The following CALN1 variants were observed in gnomAD, a reference collection of about 807,000 sequenced individuals.
CALN1 encodes the protein calcium-binding protein 8.
CALN1 carries 17 observed loss-of-function variants against 30.6 expected under a neutral mutation model. The observed-to-expected ratio is 0.56, with a 90% confidence interval of 0.38 to 0.83. The LOEUF is 0.83. Ranked by LOEUF, CALN1 falls within the 40% of genes least tolerant of loss-of-function variation. CALN1 has a pLI of 0.00. For missense variants in CALN1, 291 were observed against 354.9 expected (o/e 0.82, Z 1.45); for synonymous variants, 156 against 131.4 (o/e 1.19, Z -1.28).
chr7:72,089,268 A>C (rs1805691450), intron 4 of CALN1, among the ~76,000 whole-genome samples: 1 of 152,160 alleles, frequency 6.6e-6, no homozygotes, highest in African/African-American at 2.4e-5. Context: ...TAATCTCACA[A>C]AAAATTTTAC....
intron 2 of CALN1, among the ~76,000 whole-genome samples, chr7:72,333,204 A>G (rs918620875): frequency 6.6e-6 from 1 of 152,074 alleles, no homozygotes; most frequent in East Asian, 1.9e-4. Flanking sequence ...CATCACCTCC[A>G]CCCTTGCCTA....
intron 3 of CALN1, among the ~76,000 whole-genome samples, chr7:72,270,123 G>A (rs980006373): frequency 6.6e-6 from 1 of 151,970 alleles, no homozygotes; most frequent in African/African-American, 2.4e-5. Context: ...ATGTGTGTGT[G>A]TGTGTTGAGA....
chr7:72,430,016 T>C (rs890412879), intron 1 of CALN1, among the ~76,000 whole-genome samples: 14 of 151,038 alleles, frequency 9.3e-5, no homozygotes, highest in African/African-American at 3.1e-4. Flanking sequence ...AGACAGGGTT[T>C]CACCTTGTTG....
chr7:72,117,439 C>T (rs1213416551), intron 3 of CALN1, among the ~76,000 whole-genome samples: 1 of 152,170 alleles, frequency 6.6e-6, no homozygotes, highest in East Asian at 1.9e-4. Flanking sequence ...CCTTAAGACA[C>T]TGTTTGGTCA....
In CALN1 at chr7:72,362,647, C is replaced by T. The variant is rs143477421; in HGVS notation, c.119+40604G>A. Among the ~76,000 whole-genome samples the T allele has an allele frequency of 6.9e-3, 1,051 of 152,314 alleles. 14 individuals are homozygous for T. The highest frequency in any genetic ancestry group is 0.024 in the African/African-American group (1,008 of 41,580). On this transcript the variant is annotated intron_variant, in intron 2 of 6. Coordinates refer to ENST00000395275, the MANE Select transcript of CALN1 (RefSeq NM_031468.4). ...ACCGCAAGTTCTCTCTACCCCTCCACACAGCTGGCTGTCATTCTGTCCTGC... is the reference window on the plus strand; with the variant it reads ...ACCGCAAGTTCTCTCTACCCCTCCATACAGCTGGCTGTCATTCTGTCCTGC...
chr7:72,454,600 A>G, the CALN1 span, among the ~76,000 whole-genome samples: 2 of 152,234 alleles, frequency 1.3e-5, no homozygotes, highest in Admixed American at 1.3e-4. Flanking sequence ...AAAAGCCCAG[A>G]GAACAAAACA....
intron 2 of CALN1, among the ~76,000 whole-genome samples, chr7:72,342,805 G>C (rs1489313487): frequency 6.6e-6 from 1 of 152,064 alleles, no homozygotes; most frequent in Non-Finnish European, 1.5e-5. Context: ...CCCAAGGGTA[G>C]AGGGTGATGA....
intron 4 of CALN1, among the ~76,000 whole-genome samples, chr7:72,084,036 C>T (rs1805326040): frequency 6.6e-6 from 1 of 151,824 alleles, no homozygotes; most frequent in Admixed American, 6.6e-5. Context: ...TAGTGAAACC[C>T]TGTCTCTACT....
chr7:72,048,766 C>T (rs1802648359), intron 4 of CALN1, among the ~76,000 whole-genome samples: 1 of 150,434 alleles, frequency 6.6e-6, no homozygotes. Context: ...CCTTTCCTCC[C>T]TGCCTTTTTC....
chr7:72,087,658 C>G (rs1805568168), intron 4 of CALN1, among the ~76,000 whole-genome samples: 1 of 151,930 alleles, frequency 6.6e-6, no homozygotes, highest in South Asian at 2.1e-4. Flanking sequence ...TGGAAAACCT[C>G]CAAGTAGTGA....
At chr7:72,288,837 T>C (rs550636259) in intron 2 of CALN1, among the ~76,000 whole-genome samples, 2 of 152,350 alleles carry the variant, frequency 1.3e-5, no homozygotes, top group African/African-American at 2.4e-5. Flanking sequence ...TTAACCCCTT[T>C]TCCCCAAAAA....
chr7:72,109,690 A>G (rs1807423319), intron 3 of CALN1, among the ~76,000 whole-genome samples: 1 of 152,208 alleles, frequency 6.6e-6, no homozygotes, highest in African/African-American at 2.4e-5. Context: ...ACTGTGCTCA[A>G]GGACACTGTG....
chr7:72,047,506 T>C (rs536938121), intron 4 of CALN1, among the ~76,000 whole-genome samples: 1 of 152,236 alleles, frequency 6.6e-6, no homozygotes, highest in South Asian at 2.1e-4. Flanking sequence ...AGAGGATTGC[T>C]TGAGCCCAGG....
chr7:72,364,023 C>T (rs188477577), intron 2 of CALN1, among the ~76,000 whole-genome samples: 4 of 151,068 alleles, frequency 2.6e-5, no homozygotes, highest in Admixed American at 6.6e-5. Flanking sequence ...GCGTGAGCCA[C>T]GGTGCCCGGC....
At chr7:72,302,260 A>G (rs754435632) in intron 2 of CALN1, among the ~76,000 whole-genome samples, 12 of 152,304 alleles carry the variant, frequency 7.9e-5, no homozygotes, top group Non-Finnish European at 1.2e-4. Context: ...GGATAAATGA[A>G]AAGACCCACA....
At chr7:72,370,070 T>C (rs554703299) in intron 2 of CALN1, among the ~76,000 whole-genome samples, 2 of 152,326 alleles carry the variant, frequency 1.3e-5, no homozygotes, top group East Asian at 3.9e-4. Flanking sequence ...AGTTGTACCA[T>C]TTTACATTCC....
intron 4 of CALN1, among the ~76,000 whole-genome samples, chr7:72,093,372 G>C (rs777962710): frequency 1.3e-4 from 20 of 152,118 alleles, no homozygotes; most frequent in Non-Finnish European, 2.6e-4. Flanking sequence ...CTGCATTGAA[G>C]ATGGCACCGT....
intron 2 of CALN1, among the ~76,000 whole-genome samples, chr7:72,351,854 G>C (rs1802939341): frequency 6.6e-6 from 1 of 152,180 alleles, no homozygotes; most frequent in South Asian, 2.1e-4. Flanking sequence ...AATTTAAAGA[G>C]TGTGAACCAC....
chr7:72,317,660 A>T (rs1158297608), intron 2 of CALN1, among the ~76,000 whole-genome samples: 1 of 152,154 alleles, frequency 6.6e-6, no homozygotes, highest in Non-Finnish European at 1.5e-5. Flanking sequence ...CTGGCCTAGG[A>T]AGTCCCCCCC....
Sources: allele counts gnomAD v4.1 joint callset (sites outside exome capture counted in the v4.1 genomes callset), GRCh38; gene constraint gnomAD v4.1.1; transcripts MANE v1.5; gene names NCBI Gene and HGNC (gene_info 2026-07-23, HGNC 2026-07-21).